SNCAIP: variants seen among roughly 807,000 people sequenced by gnomAD.
SNCAIP encodes the protein synphilin-1.
Under a neutral mutation model 86.7 loss-of-function variants are expected in SNCAIP, and 43 were observed. That is an observed-to-expected ratio of 0.50 (90% confidence interval 0.39 to 0.64). The LOEUF (loss-of-function observed/expected upper bound fraction) is 0.64. Among genes scored for constraint, SNCAIP ranks in the 30% least tolerant of loss-of-function variants. SNCAIP has a pLI of 0.00. For missense variants in SNCAIP, 981 were observed against 1,103.1 expected, an observed-to-expected ratio of 0.89 and a Z score of 1.57; for synonymous variants, 417 against 427.2, an observed-to-expected ratio of 0.98 and a Z score of 0.29.
chr5:122,459,212 A>G (rs1192202229), intron 10 of SNCAIP, among the ~76,000 whole-genome samples: 2 of 152,160 alleles, frequency 1.3e-5, no homozygotes, highest in Non-Finnish European at 2.9e-5. Flanking sequence ...AGATCACAGA[A>G]AATAGCAAGG....
At chr5:122,381,135 G>C (rs905650677) in intron 1 of SNCAIP, among the ~76,000 whole-genome samples, 7 of 118,792 alleles carry the variant, frequency 5.9e-5, no homozygotes, top group Admixed American at 4.1e-4. Flanking sequence ...AATGTTGACA[G>C]TGGGGTGTTA....
At chr5:122,449,669 C>A (rs1001949374) in intron 8 of SNCAIP, among the ~76,000 whole-genome samples, 176 bp from the exon 9 acceptor site, 1 of 152,014 alleles carries the variant, frequency 6.6e-6, no homozygotes, top group Non-Finnish European at 1.5e-5. Flanking sequence ...TTTTGGGGTA[C>A]TTTTGATTGT....
At chr5:122,330,903 A>T (rs559453791) in intron 1 of SNCAIP, among the ~76,000 whole-genome samples, 1 of 151,916 alleles carries the variant, frequency 6.6e-6, no homozygotes, top group East Asian at 1.9e-4. Context: ...CTGCAACTAG[A>T]TGGTCCCATT....
At position 122,342,116 on chromosome 5, in the gene SNCAIP, G is replaced by A. The variant is rs529482298; in HGVS notation, c.-47+29832G>A. ...CAGCTGCCCATTCTCTCACTGGTCA[G>A]ACTATTGGTTGCTAAGCATCAGCAT... On this transcript the variant is annotated intron_variant, in intron 1 of 10. Coordinates refer to ENST00000261368, the MANE Select transcript of SNCAIP (RefSeq NM_005460.4). Among the ~76,000 whole-genome samples, 24 of 152,238 alleles carry A rather than the reference G, an allele frequency of 1.6e-4. No homozygotes were observed. In the South Asian group the frequency reaches 5.0e-3, roughly 32 times the overall value.
At chr5:122,314,055 T>C (rs1165246653) in intron 1 of SNCAIP, among the ~76,000 whole-genome samples, 2 of 152,232 alleles carry the variant, frequency 1.3e-5, no homozygotes, top group South Asian at 2.1e-4. Flanking sequence ...TTACCATTTG[T>C]TGATATCCAA....
At chr5:122,385,807 A>G (rs1768013863) in intron 1 of SNCAIP, among the ~76,000 whole-genome samples, 1 of 151,942 alleles carries the variant, frequency 6.6e-6, no homozygotes, top group Admixed American at 6.6e-5. Context: ...TTACCTCATC[A>G]CCGAATGTAC....
chr5:122,410,773 A>G (rs1017452277), intron 3 of SNCAIP, among the ~76,000 whole-genome samples: 18 of 152,240 alleles, frequency 1.2e-4, no homozygotes, highest in Non-Finnish European at 1.8e-4. Flanking sequence ...CGGTAAGCCA[A>G]GATCGTGCCA....
intron 1 of SNCAIP, among the ~76,000 whole-genome samples, chr5:122,363,473 C>G (rs1006285302): frequency 8.5e-5 from 13 of 152,126 alleles, no homozygotes; most frequent in Non-Finnish European, 1.5e-5. Context: ...TGGGATAGAC[C>G]ATGGCCCTGA....
At chr5:122,460,123 C>CTT (rs796994434) in intron 10 of SNCAIP, among the ~76,000 whole-genome samples, 6 of 143,594 alleles carry the variant, frequency 4.2e-5, no homozygotes, top group African/African-American at 5.1e-5. Flanking sequence ...GTGGCAGATA[C>CTT]TTTTTTTTTT....
intron 1 of SNCAIP, chr5:122,321,895 C>CA (rs1389156637): frequency 1.3e-5 from 2 of 151,824 alleles, no homozygotes. Flanking sequence ...CTTTTAATAC[C>CA]AAATACTAGA....
At chr5:122,359,803 ATTAAT>A (rs1761853400) in intron 1 of SNCAIP, among the ~76,000 whole-genome samples, 1 of 152,228 alleles carries the variant, frequency 6.6e-6, no homozygotes, top group Non-Finnish European at 1.5e-5. Flanking sequence ...GGAAAGTTGT[ATTAAT>A]TTTATTTTTA....
At chr5:122,347,396 C>CTTT (rs72100282) in intron 1 of SNCAIP, among the ~76,000 whole-genome samples, 8 of 139,584 alleles carry the variant, frequency 5.7e-5, no homozygotes, top group Non-Finnish European at 7.8e-5. Context: ...GATTTCTTTC[C>CTTT]TTTTTTTTTT....
At chr5:122,373,600 A>G (rs1265502966) in intron 1 of SNCAIP, among the ~76,000 whole-genome samples, 1 of 152,202 alleles carries the variant, frequency 6.6e-6, no homozygotes, top group African/African-American at 2.4e-5. Context: ...GTTTTATTCT[A>G]CAAGAAGATG....
rs766577479 is a variant in SNCAIP at position 122,422,976 on chromosome 5, C to T, written c.239C>T (p.Ser80Leu). ...AAGTTCCGCCCAGTGAAGCGGGTTT[C>T]GCCACTGAAACATCAGCCAGAGACT... ...YSKFRPVKRV[S>L]PLKHQPETLE... Residue 80 changes from serine (S) to leucine (L), a missense_variant, in exon 4 of 11, where the codon TCG (serine) becomes TTG (leucine). By Grantham distance (145) the Ser-to-Leu change is moderately radical. Coordinates refer to ENST00000261368, the MANE Select transcript of SNCAIP (RefSeq NM_005460.4). The T allele has an allele frequency of 1.2e-5, 20 of 1,614,178 alleles. No homozygotes were observed. Among genetic ancestry groups the T allele is most frequent in the Middle Eastern group, 1.6e-4 (1 of 6,062 alleles).
intron 6 of SNCAIP, chr5:122,436,563 C>T (rs1356981536): frequency 2.0e-5 from 3 of 152,134 alleles, no homozygotes; most frequent in African/African-American, 7.2e-5. Context: ...TCTTACAATA[C>T]ATGAAATTAT....
chr5:122,435,481 A>G (rs979726718), intron 6 of SNCAIP, among the ~76,000 whole-genome samples: 17 of 152,146 alleles, frequency 1.1e-4, no homozygotes, highest in African/African-American at 3.4e-4. Flanking sequence ...AGTGGGCTCT[A>G]TGTTACTTTC....
intron 6 of SNCAIP, among the ~76,000 whole-genome samples, chr5:122,434,561 TAGTGTC>T (rs1444553040): frequency 1.3e-5 from 2 of 152,212 alleles, no homozygotes; most frequent in African/African-American, 4.8e-5. Flanking sequence ...TGCTTCATGC[TAGTGTC>T]AATATTCAGG....
chr5:122,377,077 C>G (rs776335386), intron 1 of SNCAIP, among the ~76,000 whole-genome samples: 1 of 152,150 alleles, frequency 6.6e-6, no homozygotes, highest in Admixed American at 6.6e-5. Flanking sequence ...GACTGACATC[C>G]CTGATATGTC....
Position 122,450,676 on chromosome 5 carries a change from A to G in SNCAIP, c.1829A>G (p.Lys610Arg). The G allele has an allele frequency of 6.2e-7, 1 of 1,614,216 alleles. No homozygotes were observed. The stretch of plus-strand genomic sequence containing the variant: ...TCAGCCTCCAGCCGGGCTAGACCCA[A>G]AGCAAAAGATGAAGATTCTGATAAA... ...SLSASSRARP[K>R]AKDEDSDKIL... The change falls in exon 10 of 11, where the codon AAA becomes AGA. Residue 610 changes from lysine to arginine, a missense_variant. Coordinates refer to ENST00000261368, the MANE Select transcript of SNCAIP (RefSeq NM_005460.4).
Sources: allele counts gnomAD v4.1 joint callset (sites outside exome capture counted in the v4.1 genomes callset), GRCh38; gene constraint gnomAD v4.1.1; transcripts MANE v1.5; gene names NCBI Gene and HGNC (gene_info 2026-07-23, HGNC 2026-07-21).